Variants in VWA5B2 observed in about 807,000 individuals in gnomAD.
VWA5B2 encodes von Willebrand factor A domain-containing protein 5B2.
Under a neutral mutation model 118.5 loss-of-function variants are expected in VWA5B2, and 93 were observed. The observed-to-expected ratio is 0.79, with a 90% CI of 0.66 to 0.93. The LOEUF (loss-of-function observed/expected upper bound fraction) is 0.93, where lower values mean the gene tolerates loss of function less well. Ranked by LOEUF, VWA5B2 falls within the 40% of genes least tolerant of loss-of-function variation. The probability of loss-of-function intolerance (pLI) is 0.00; values close to 1 mark genes in which losing one functional copy is unlikely to be tolerated. For synonymous variants in VWA5B2, 708 were observed against 716.3 expected (o/e 0.99, Z 0.19); for missense variants, 1,546 against 1,672.8 (o/e 0.92, Z 1.32).
In VWA5B2 at chr3:184,236,457, C is replaced by G; in HGVS notation, c.1327C>G (p.Pro443Ala). Residue 443 changes from proline to alanine, a missense_variant, in exon 10 of 20, where the codon CCT becomes GCT. This residue lies in a region of VWA5B2 where 775 missense variants were observed against 882.3 expected (regional missense o/e 0.88). Transcript: ENST00000691901. ...AVGQPQHRAY[P>A]RQLFLLTAAS... ...GGGGCAGCCCCAGCACAGGGCCTACCCTCGGCAGCTGTTCCTGCTCACTGC... is the reference window on the plus strand; with the variant it reads ...GGGGCAGCCCCAGCACAGGGCCTACGCTCGGCAGCTGTTCCTGCTCACTGC... The G allele has an allele frequency of 6.5e-7, 1 of 1,546,754 alleles. No individual in the cohort carries two copies. The highest frequency in any genetic ancestry group is 8.7e-7 in the Non-Finnish European group (1 of 1,146,956).
chr3:184,229,824 C>A (rs1333048451), intron 1 of VWA5B2, among the ~76,000 whole-genome samples, 111 bp downstream of exon 1: 1 of 152,150 alleles, frequency 6.6e-6, no homozygotes, highest in Non-Finnish European at 1.5e-5. Flanking sequence ...ATCAGCTCTG[C>A]CGGGGTAGGG....
rs1187148807 is a variant in VWA5B2, at chr3:184,238,500, G to A, written c.1891+26G>A. ...GTGAGTGCCCAGGTGTATGTGTGTG[G>A]CTGTATTGGAGTGGGCGCTGGGAGG... On this transcript the variant is annotated intron_variant, in intron 13 of 19. Transcript: ENST00000691901. The surrounding 1 kb of genome is among the most constrained non-coding windows in gnomAD (Gnocchi z 5.0). The A allele has an allele frequency of 1.3e-6, 2 of 1,537,740 alleles. No individual in the cohort carries two copies. The highest frequency in any genetic ancestry group is 4.9e-5 in the East Asian group (2 of 40,576).
chr3:184,233,012 T>C lies in VWA5B2; in HGVS notation c.311-166T>C. The C allele has an allele frequency of 1.6e-6, 1 of 623,882 alleles. No individual in the cohort carries two copies. Among genetic ancestry groups the C allele is most frequent in the Non-Finnish European group, 2.8e-6 (1 of 352,430 alleles). The allele number at this position is 623,882 out of a possible 1,614,324, so 38.6% of individuals were successfully genotyped here. A position where few individuals can be genotyped will look rare whatever the true frequency, so the allele number is the denominator to read the frequency against. On this transcript the variant is annotated intron_variant, in intron 3 of 19. Coordinates refer to ENST00000691901, the MANE Select transcript of VWA5B2 (RefSeq NM_001390846.1). This position sits in a 1 kb window ranked among gnomAD's most constrained non-coding sequence, Gnocchi z 5.2. ...CACAGTTAGTCTGCCTCTCCTGCCA[T>C]CATTCATCTCATGCCTCCATCCTGC...
Position 184,237,406 on chromosome 3 carries a change from C to A in VWA5B2, c.1714C>A (p.Pro572Thr). 1 of 1,548,246 alleles carries A rather than the reference C, an allele frequency of 6.5e-7. No individual in the cohort carries two copies. The highest frequency in any genetic ancestry group is 2.4e-5 in the East Asian group (1 of 40,844). ...FRVDGFRSRPPGGQEPGWQSS... is the reference protein window; with the variant it reads ...FRVDGFRSRPTGGQEPGWQSS... ...GGTGGATGGCTTCCGGTCCCGCCCA[C>A]CAGGGGTAAGCTTGGGCTGGGGTGT... The change falls in exon 12 of 20, where the codon CCA becomes ACA. Residue 572 changes from proline (P) to threonine (T), a missense_variant. Around this residue, in one of 3 missense-constraint regions of VWA5B2, gnomAD observed 775 missense variants for 882.3 expected, o/e 0.88. Transcript: ENST00000691901. The surrounding 1 kb of genome is among the most constrained non-coding windows in gnomAD (Gnocchi z 5.6).
At position 184,233,400 on chromosome 3, in the gene VWA5B2, T is replaced by G; in HGVS notation, c.530+3T>G. On this transcript the variant is annotated splice_donor_region_variant and intron_variant, in intron 4 of 19. Transcript: ENST00000691901. This position sits in a 1 kb window ranked among gnomAD's most constrained non-coding sequence, Gnocchi z 5.2. ...CCTCCGGGGCTCTGTGACGACAGGTTGGGCCTATGGTGATTCTCTTCGTCC... is the reference window on the plus strand; with the variant it reads ...CCTCCGGGGCTCTGTGACGACAGGTGGGGCCTATGGTGATTCTCTTCGTCC... 9 of 1,522,912 alleles carry G rather than the reference T, an allele frequency of 5.9e-6. No individual in the cohort carries two copies. The highest frequency in any genetic ancestry group is 7.9e-6 in the Non-Finnish European group (9 of 1,135,866). The allele number at this position is 1,522,912 out of a possible 1,614,324, so 94.3% of individuals were successfully genotyped here.
At position 184,233,880 on chromosome 3, in the gene VWA5B2, G is replaced by A; in HGVS notation, c.688+147G>A. ...CTCCGGAACATCTGGGTTAGTGGTG[G>A]GAGCATCCCCTGGTCACCTCTACCC... On this transcript the variant is annotated intron_variant, in intron 5 of 19. Coordinates refer to ENST00000691901, the MANE Select transcript of VWA5B2 (RefSeq NM_001390846.1). The surrounding 1 kb of genome is among the most constrained non-coding windows in gnomAD (Gnocchi z 5.2). 8.6e-7 allele frequency: 1 copy of A among 1,161,816 alleles called. No homozygotes were observed. 72.0% of individuals were successfully genotyped at this position (1,161,816 alleles called of 1,614,324 possible). A position where few individuals can be genotyped will look rare whatever the true frequency, so the allele number is the denominator to read the frequency against.
rs76034008 is a variant in VWA5B2 at position 184,239,100 on chromosome 3, G to A, written c.2202+227G>A. 0.029 allele frequency among the ~76,000 whole-genome samples: 4,448 copies of A among 152,308 alleles called. 94 individuals are homozygous for A. The highest frequency in any genetic ancestry group is 0.047 in the Non-Finnish European group (3,214 of 68,018). ...GCCTGAGAGAGTCAGGAAAGTCAGA[G>A]CCATATCTGGAAGAATAAGCACGAG... On this transcript the variant is annotated intron_variant, in intron 14 of 19. Transcript: ENST00000691901. The surrounding 1 kb of genome is among the most constrained non-coding windows in gnomAD (Gnocchi z 5.1).
rs1718519583 is a variant in VWA5B2, at chr3:184,240,833, A to G, written c.2783A>G (p.Lys928Arg). 6.4e-7 allele frequency: 1 copy of G among 1,551,522 alleles called. No individual in the cohort carries two copies. Among genetic ancestry groups the G allele is most frequent in the Admixed American group, 2.0e-5 (1 of 50,980 alleles). ...TGGCTTCGAGCCCTTCAGACAAGTA[A>G]GGTCAGCTCTGCCCCCTCCTGCTTC... ...RCWLRALQTS[K>R]VSSAPSCFTC... Residue 928 changes from lysine to arginine, a missense_variant, in exon 17 of 20, where the codon AAG (lysine) becomes AGG (arginine). Physicochemically the swap from Lys to Arg is conservative, Grantham distance 26. Coordinates refer to ENST00000691901, the MANE Select transcript of VWA5B2 (RefSeq NM_001390846.1).
In VWA5B2 at chr3:184,233,767, G is replaced by A; in HGVS notation, c.688+34G>A. 1 of 1,546,684 alleles carries A rather than the reference G, an allele frequency of 6.5e-7. No homozygotes were observed. Among genetic ancestry groups the A allele is most frequent in the South Asian group, 1.2e-5 (1 of 83,558 alleles). ...ATCTGGCTGGCCTGCCCTCTTTTCA[G>A]ATGCCCACTCCACCCAGTGTAGTGA... On this transcript the variant is annotated intron_variant, in intron 5 of 19. Coordinates refer to ENST00000691901, the MANE Select transcript of VWA5B2 (RefSeq NM_001390846.1). This position sits in a 1 kb window ranked among gnomAD's most constrained non-coding sequence, Gnocchi z 5.2.
In VWA5B2 at chr3:184,237,555, C is replaced by T. The variant is rs1718134495; in HGVS notation, c.1719+144C>T. On this transcript the variant is annotated intron_variant, in intron 12 of 19. Coordinates refer to ENST00000691901, the MANE Select transcript of VWA5B2 (RefSeq NM_001390846.1). The surrounding 1 kb of genome is among the most constrained non-coding windows in gnomAD (Gnocchi z 5.6). ...GCTTCTCTACTATCCCCTAGGACTC[C>T]ACAGAGATCACACTGGGCCCCCTAA... is the stretch of plus-strand genomic sequence containing the variant. 2.3e-6 allele frequency: 2 copies of T among 872,794 alleles called. No individual in the cohort carries two copies. Among genetic ancestry groups the T allele is most frequent in the Non-Finnish European group, 3.4e-6 (2 of 585,036 alleles). The allele number at this position is 872,794 out of a possible 1,614,324, so 54.1% of individuals were successfully genotyped here. A position where few individuals can be genotyped will look rare whatever the true frequency, so the allele number is the denominator to read the frequency against.
Position 184,233,392 on chromosome 3 carries a change from C to G in VWA5B2, c.525C>G (p.Asp175Glu). ...CCCCCAGGCCTCCGGGGCTCTGTGACGACAGGTTGGGCCTATGGTGATTCT... is the reference window on the plus strand; with the variant it reads ...CCCCCAGGCCTCCGGGGCTCTGTGAGGACAGGTTGGGCCTATGGTGATTCT... ...PGPPRPPGLCDDSPTSCFGVG... is the reference protein window; with the variant it reads ...PGPPRPPGLCEDSPTSCFGVG... Residue 175 changes from aspartate (D) to glutamate (E), a missense_variant, in exon 4 of 20, where the codon GAC becomes GAG. Physicochemically the swap from Asp to Glu is conservative, Grantham distance 45. Transcript: ENST00000691901. This position sits in a 1 kb window ranked among gnomAD's most constrained non-coding sequence, Gnocchi z 5.2. 1 of 1,534,350 alleles carries G rather than the reference C, an allele frequency of 6.5e-7. No individual in the cohort carries two copies. Among genetic ancestry groups the G allele is most frequent in the Admixed American group, 2.1e-5 (1 of 48,014 alleles).
rs199885492 is a variant in VWA5B2, at chr3:184,239,503, G to T, written c.2312G>T (p.Arg771Leu). 6.5e-7 allele frequency: 1 copy of T among 1,549,836 alleles called. No homozygotes were observed. The highest frequency in any genetic ancestry group is 8.7e-7 in the Non-Finnish European group (1 of 1,146,366). Residue 771 changes from arginine to leucine, a missense_variant, in exon 15 of 20, where the codon CGG becomes CTG. Physicochemically the swap from Arg to Leu is moderately radical, Grantham distance 102. This residue lies in a region of VWA5B2 where 763 missense variants were observed against 766.6 expected (regional missense o/e 1.00). Transcript: ENST00000691901. The surrounding 1 kb of genome is among the most constrained non-coding windows in gnomAD (Gnocchi z 5.1). ...GCAAACCAAGTCCCCGGCCGACCCC[G>T]GAAACCCTCTTTGGGTGCAATACTA... ...GRANQVPGRP[R>L]KPSLGAILDG... is the part of the protein sequence containing the mutation.
chr3:184,237,466 GA>G lies in VWA5B2; in HGVS notation c.1719+56del. On this transcript the variant is annotated intron_variant, in intron 12 of 19. Coordinates refer to ENST00000691901, the MANE Select transcript of VWA5B2 (RefSeq NM_001390846.1). The surrounding 1 kb of genome is among the most constrained non-coding windows in gnomAD (Gnocchi z 5.6). ...GCTAGGGTGAGGTAGGGGGGCCTGG[GA>G]TGGCTGAAGTCCCCGCATCTCTTCC... 6.7e-7 allele frequency: 1 copy of G among 1,492,302 alleles called. No individual in the cohort carries two copies. The highest frequency in any genetic ancestry group is 9.0e-7 in the Non-Finnish European group (1 of 1,108,060). 92.4% of individuals were successfully genotyped at this position (1,492,302 alleles called of 1,614,324 possible). A position where few individuals can be genotyped will look rare whatever the true frequency, so the allele number is the denominator to read the frequency against.
Position 184,240,032 on chromosome 3 carries a change from C to G in VWA5B2, c.2736C>G (p.Asp912Glu), listed in dbSNP as rs1159465104. ...ALRGGAETTADRGHARRCWLR... is the reference protein window; with the variant it reads ...ALRGGAETTAERGHARRCWLR... ...GAGGAGGGGCAGAGACCACAGCTGA[C>G]CGGGGTGAGTTGCTCATGGGTCCAG... The change falls in exon 16 of 20, where the codon GAC becomes GAG. Residue 912 changes from aspartate to glutamate, a missense_variant. Physicochemically the swap from Asp to Glu is conservative, Grantham distance 45. Transcript: ENST00000691901. 12 of 1,534,946 alleles carry G rather than the reference C, an allele frequency of 7.8e-6. No individual in the cohort carries two copies. The highest frequency in any genetic ancestry group is 1.1e-5 in the Non-Finnish European group (12 of 1,139,136).
rs766358158 is a variant in VWA5B2 at position 184,241,388 on chromosome 3, A to C, written c.3164A>C (p.His1055Pro). The change falls in exon 19 of 20, where the codon CAT (histidine) becomes CCT (proline). Residue 1055 changes from histidine to proline, a missense_variant. His to Pro is a moderately conservative substitution (Grantham distance 77). Around this residue, in one of 3 missense-constraint regions of VWA5B2, gnomAD observed 763 missense variants for 766.6 expected, o/e 1.00. Coordinates refer to ENST00000691901, the MANE Select transcript of VWA5B2 (RefSeq NM_001390846.1). This position sits in a 1 kb window ranked among gnomAD's most constrained non-coding sequence, Gnocchi z 5.1. ...GCCAACAACAGTGAAGGCAGCGACC[A>C]TGACTACCTGCCCTTGGTGAGGACT... is the stretch of plus-strand genomic sequence containing the variant. ...GQANNSEGSD[H>P]DYLPLVRLQE... 1.3e-6 allele frequency: 2 copies of C among 1,578,810 alleles called. No individual in the cohort carries two copies. Among genetic ancestry groups the C allele is most frequent in the South Asian group, 2.3e-5 (2 of 85,900 alleles).
chr3:184,238,520 G>A lies in VWA5B2; in HGVS notation c.1892-43G>A. The A allele has an allele frequency of 2.0e-6, 3 of 1,535,408 alleles. No individual in the cohort carries two copies. Among genetic ancestry groups the A allele is most frequent in the Non-Finnish European group, 2.6e-6 (3 of 1,134,786 alleles). On this transcript the variant is annotated intron_variant, in intron 13 of 19. Transcript: ENST00000691901. The surrounding 1 kb of genome is among the most constrained non-coding windows in gnomAD (Gnocchi z 5.0). The stretch of plus-strand genomic sequence containing the variant: ...GTGTGGCTGTATTGGAGTGGGCGCT[G>A]GGAGGGGTCAGGGCTAGGGCCCATT...
intron 1 of VWA5B2, among the ~76,000 whole-genome samples, 134 bp from the exon 2 acceptor site, chr3:184,230,246 G>C (rs1301955707): frequency 1.3e-5 from 2 of 152,178 alleles, no homozygotes; most frequent in African/African-American, 4.8e-5. Flanking sequence ...GAGCCGCGGC[G>C]GGACTGCTGG....
In VWA5B2 at chr3:184,238,493, G is replaced by T; in HGVS notation, c.1891+19G>T. The T allele has an allele frequency of 6.5e-7, 1 of 1,538,864 alleles. No homozygotes were observed. Among genetic ancestry groups the T allele is most frequent in the Non-Finnish European group, 8.8e-7 (1 of 1,137,250 alleles). On this transcript the variant is annotated intron_variant, in intron 13 of 19. Coordinates refer to ENST00000691901, the MANE Select transcript of VWA5B2 (RefSeq NM_001390846.1). This position sits in a 1 kb window ranked among gnomAD's most constrained non-coding sequence, Gnocchi z 5.0. ...GAGCAGAGTGAGTGCCCAGGTGTAT[G>T]TGTGTGGCTGTATTGGAGTGGGCGC...
Position 184,234,285 on chromosome 3 carries a change from T to A in VWA5B2, c.708T>A (p.His236Gln). 1 of 1,551,696 alleles carries A rather than the reference T, an allele frequency of 6.4e-7. No homozygotes were observed. The highest frequency in any genetic ancestry group is 2.4e-5 in the East Asian group (1 of 40,930). The change falls in exon 6 of 20, where the codon CAT becomes CAA. Residue 236 changes from histidine to glutamine, a missense_variant. Physicochemically the swap from His to Gln is conservative, Grantham distance 24. Transcript: ENST00000691901. Reference protein sequence around the residue: ...CLLAGLESPSHALRADAPPHA... With the variant: ...CLLAGLESPSQALRADAPPHA... The stretch of plus-strand genomic sequence containing the variant: ...CCTCAGGCCTGGAGAGCCCCTCTCA[T>A]GCTCTGCGGGCAGATGCCCCCCCTC...
Sources: allele counts gnomAD v4.1 joint callset (sites outside exome capture counted in the v4.1 genomes callset), GRCh38; gene constraint gnomAD v4.1.1; regional missense constraint gnomAD v4.1.1; non-coding constraint Gnocchi (gnomAD v3.1); transcripts MANE v1.5; gene names NCBI Gene and HGNC (gene_info 2026-07-23, HGNC 2026-07-21).